The following RABGGTA variants were observed in gnomAD, a reference collection of about 807,000 sequenced individuals.
The protein encoded by RABGGTA is geranylgeranyl transferase type-2 subunit alpha.
In RABGGTA, 69 loss-of-function variants were observed where a neutral mutation model predicts 83.3. The ratio of observed to expected loss-of-function variants is 0.83; its 90% confidence interval spans 0.68 to 1.01. RABGGTA has a LOEUF of 1.01. RABGGTA is among the 50% of genes least tolerant of loss of function. The probability of loss-of-function intolerance (pLI) is 0.00; values close to 1 mark genes in which losing one functional copy is unlikely to be tolerated. For synonymous variants in RABGGTA, 310 were observed against 299.8 expected (o/e 1.03, Z -0.35); for missense variants, 681 against 712.7 (o/e 0.96, Z 0.51).
rs769959957 is a variant in RABGGTA at position 24,269,163 on chromosome 14, T to G, written c.632A>C (p.Glu211Ala). 6.2e-7 allele frequency: 1 copy of G among 1,609,476 alleles called. No homozygotes were observed. Among genetic ancestry groups the G allele is most frequent in the Non-Finnish European group, 8.5e-7 (1 of 1,177,740 alleles). The change falls in exon 7 of 17, where the codon GAG becomes GCG. Residue 211 changes from glutamate to alanine, a missense_variant and splice_region_variant. Glu to Ala is a moderately radical substitution (Grantham distance 107, BLOSUM62 -1). Around this residue, in one of 5 missense-constraint regions of RABGGTA, gnomAD observed 122 missense variants for 118.9 expected, o/e 1.03. Coordinates refer to ENST00000216840, the MANE Select transcript of RABGGTA (RefSeq NM_182836.3). ...GAAGGCATTCTGCACCAGCTCCAGC[T>G]CTGTGGGGTTCCAGGAGGCATGGGG... ...GRLPEDVLLK[E>A]LELVQNAFFT...
intron 14 of RABGGTA, among the ~76,000 whole-genome samples, chr14:24,267,368 A>C (rs11626191): frequency 0.16 from 24,382 of 152,030 alleles, 2,273 homozygotes; most frequent in Admixed American, 0.29. Context: ...GATGTGCTGG[A>C]ATGTGTGGGA....
intron 16 of RABGGTA, 139 bp downstream of exon 16, chr14:24,266,290 TC>T: frequency 4.0e-6 from 3 of 746,462 alleles, no homozygotes. Flanking sequence ...CCCCAGGCTC[TC>T]CCCCTTCAAC....
rs2040917448 is a variant in RABGGTA at position 24,269,524 on chromosome 14, G to C, written c.598C>G (p.Gln200Glu). The C allele has an allele frequency of 1.2e-6, 2 of 1,605,190 alleles. No individual in the cohort carries two copies. Among genetic ancestry groups the C allele is most frequent in the African/African-American group, 2.7e-5 (2 of 74,738 alleles). The part of the protein sequence containing the change: ...QLHPQPDSGP[Q>E]GRLPEDVLLK... ...AGCACATCCTCAGGGAGGCGCCCCT[G>C]TGGTCCAGAATCCGGCTGGGGGTGC... is the stretch of plus-strand genomic sequence containing the variant. The change falls in exon 6 of 17, where the codon CAG becomes GAG. Residue 200 changes from glutamine (Q) to glutamate (E), a missense_variant. Physicochemically the swap from Gln to Glu is conservative, Grantham distance 29 (BLOSUM62 2). This residue lies in a region of RABGGTA where 122 missense variants were observed against 118.9 expected (regional missense o/e 1.03). Coordinates refer to ENST00000216840, the MANE Select transcript of RABGGTA (RefSeq NM_182836.3).
chr14:24,265,855 GTC>G, intron 16 of RABGGTA, 92 bp from the exon 17 acceptor site: 1 of 1,465,338 alleles, frequency 6.8e-7, no homozygotes, highest in East Asian at 2.5e-5. Context: ...CTGCCTGGAA[GTC>G]TGTTTGATGG....
Position 24,271,167 on chromosome 14 carries a change from A to G in RABGGTA, c.-52T>C. 1.3e-6 allele frequency: 2 copies of G among 1,503,340 alleles called. No homozygotes were observed. The highest frequency in any genetic ancestry group is 1.8e-6 in the Non-Finnish European group (2 of 1,126,210). The allele number at this position is 1,503,340 out of a possible 1,614,324, so 93.1% of individuals were successfully genotyped here. A position where few individuals can be genotyped will look rare whatever the true frequency, so the allele number is the denominator to read the frequency against. ...GGAAGGGTCCAGTGGTAGCCCTTGA[A>G]GTCTGAGGAGAGAAGTGTCAATCAC... is the stretch of plus-strand genomic sequence containing the variant. On this transcript the variant is annotated splice_region_variant and 5_prime_UTR_variant, in exon 2 of 17. Transcript: ENST00000216840.
chr14:24,270,445 T>C lies in RABGGTA; in HGVS notation c.128A>G (p.Glu43Gly). Residue 43 changes from glutamate to glycine, a missense_variant, in exon 4 of 17, where the codon GAG (glutamate) becomes GGG (glycine). Physicochemically the swap from Glu to Gly is moderately conservative, Grantham distance 98. Coordinates refer to ENST00000216840, the MANE Select transcript of RABGGTA (RefSeq NM_182836.3). ...CAGTTCCAGCACGGACTCATCCAGC[T>C]CACCAGCCTGGCGCTAAGAAGATAG... Reference protein sequence around the residue: ...QAVFQKRQAGELDESVLELTS... With the variant: ...QAVFQKRQAGGLDESVLELTS... 4 of 1,614,010 alleles carry C rather than the reference T, an allele frequency of 2.5e-6. No individual in the cohort carries two copies. The highest frequency in any genetic ancestry group is 3.4e-6 in the Non-Finnish European group (4 of 1,179,884).
chr14:24,266,178 A>G (rs2040870966), intron 16 of RABGGTA, among the ~76,000 whole-genome samples: 1 of 152,258 alleles, frequency 6.6e-6, no homozygotes, highest in African/African-American at 2.4e-5. Context: ...AAAAAACTAC[A>G]TAGACCTGAA....
intron 14 of RABGGTA, 49 bp downstream of exon 14, chr14:24,267,611 G>C (rs745749325): frequency 6.8e-7 from 1 of 1,479,574 alleles, no homozygotes; most frequent in Admixed American, 1.9e-5. Flanking sequence ...GGGACGTGGG[G>C]AGGCCAGCGG....
chr14:24,267,344 T>C (rs1431395467), intron 14 of RABGGTA, among the ~76,000 whole-genome samples: 1 of 151,950 alleles, frequency 6.6e-6, no homozygotes, highest in East Asian at 1.9e-4. Flanking sequence ...GTATTGGAGG[T>C]TGCTCCAGGG....
At position 24,269,519 on chromosome 14, in the gene RABGGTA, C is replaced by T; in HGVS notation, c.603G>A (p.Gly201=). ...LHPQPDSGPQ[G]RLPEDVLLKE... ...TGAGCAGCACATCCTCAGGGAGGCG[C>T]CCCTGTGGTCCAGAATCCGGCTGGG... The change falls in exon 6 of 17, where the codon GGG becomes GGA. Residue 201 remains glycine, a synonymous_variant. Transcript: ENST00000216840. The T allele has an allele frequency of 2.5e-6, 4 of 1,602,232 alleles. No individual in the cohort carries two copies. The highest frequency in any genetic ancestry group is 3.4e-6 in the Non-Finnish European group (4 of 1,169,166).
chr14:24,270,224 A>G (rs1210268025), intron 4 of RABGGTA, 84 bp from the exon 5 acceptor site: 9 of 1,556,874 alleles, frequency 5.8e-6, no homozygotes, highest in South Asian at 2.3e-5. Context: ...CCAGCCCCCT[A>G]CTATCCTCCA....
At position 24,267,671 on chromosome 14, in the gene RABGGTA, G is replaced by T. The variant is rs767790064; in HGVS notation, c.1342C>A (p.Leu448Met). The T allele has an allele frequency of 2.0e-5, 32 of 1,610,926 alleles. 2 individuals carry two copies. In the South Asian group the frequency reaches 3.5e-4, roughly 18 times the overall value. ...ATGGCAGCCCATACCTTGTGAGCCA[G>T]GTGCAGCACACGCACCTCGGCATAC... ...MEYAEVRVLH[L>M]AHKDLTVLCH... is the part of the protein sequence containing the mutation. Residue 448 changes from leucine (L) to methionine (M), a missense_variant, in exon 14 of 17, where the codon CTG becomes ATG. By Grantham distance (15) the Leu-to-Met change is conservative. Around this residue, in one of 5 missense-constraint regions of RABGGTA, gnomAD observed 421 missense variants for 418.5 expected, o/e 1.01. Transcript: ENST00000216840.
chr14:24,270,713 A>G lies in RABGGTA; in HGVS notation c.114+124T>C. 4 of 1,383,900 alleles carry G rather than the reference A, an allele frequency of 2.9e-6. No homozygotes were observed. In the South Asian group the frequency reaches 5.6e-5, roughly 19 times the overall value. The allele number at this position is 1,383,900 out of a possible 1,614,324, so 85.7% of individuals were successfully genotyped here. On this transcript the variant is annotated intron_variant, in intron 3 of 16. Transcript: ENST00000216840. ...GAGATTCAGCAACTTGCCCAAAGTC[A>G]TACAGTTATAAGTGAGATAACCCAG...
At position 24,266,521 on chromosome 14, in the gene RABGGTA, GGGGCAGGGA is replaced by G. The variant is rs753079794; in HGVS notation, c.1468-13_1468-5del. 4.3e-6 allele frequency: 7 copies of G among 1,613,388 alleles called. No homozygotes were observed. Among genetic ancestry groups the G allele is most frequent in the Non-Finnish European group, 5.1e-6 (6 of 1,179,588 alleles). On this transcript the variant is annotated splice_region_variant and splice_polypyrimidine_tract_variant and intron_variant, in intron 15 of 16. Coordinates refer to ENST00000216840, the MANE Select transcript of RABGGTA (RefSeq NM_182836.3). Reference sequence around the variant, plus strand: ...CATTATCACTGGCCTGCAGCACCTGGGGGCAGGGAGGGCAGGGAGGCAGGACAGGCGCTG... The same window carrying G: ...CATTATCACTGGCCTGCAGCACCTGGGGGCAGGGAGGCAGGACAGGCGCTG...
At position 24,269,060 on chromosome 14, in the gene RABGGTA, C is replaced by T. The variant is rs763769127; in HGVS notation, c.715+20G>A. On this transcript the variant is annotated intron_variant, in intron 7 of 16. Transcript: ENST00000216840. ...TTCCTATTAAGCGCTAAACACCCAG[C>T]CCCTTTCCTCATTGCTCACCTCGGC... 4 of 1,597,058 alleles carry T rather than the reference C, an allele frequency of 2.5e-6. No homozygotes were observed. The highest frequency in any genetic ancestry group is 3.4e-6 in the Non-Finnish European group (4 of 1,171,376).
chr14:24,270,735 C>G, intron 3 of RABGGTA, 102 bp downstream of exon 3: 1 of 1,471,062 alleles, frequency 6.8e-7, no homozygotes, highest in South Asian at 1.3e-5. Context: ...GTGAGATAAC[C>G]CAGAATTGGA....
chr14:24,269,879 T>C (rs1339244646), intron 5 of RABGGTA, 74 bp downstream of exon 5: 37 of 1,539,424 alleles, frequency 2.4e-5, no homozygotes, highest in Non-Finnish European at 3.0e-5. Context: ...CTCCCCATTC[T>C]GGGCCTTACT....
chr14:24,271,111 A>C lies in RABGGTA; in HGVS notation c.3+2T>G. ...GTGAAGGGCTGGGCTCAGGGTTCTCACCATGGTGCCGGCTCAGGGTTCAAG... is the reference window on the plus strand; with the variant it reads ...GTGAAGGGCTGGGCTCAGGGTTCTCCCCATGGTGCCGGCTCAGGGTTCAAG... On this transcript the variant is annotated splice_donor_variant, in intron 2 of 16. Transcript: ENST00000216840. LOFTEE classifies it high-confidence loss of function. The C allele has an allele frequency of 1.3e-6, 2 of 1,549,626 alleles. No homozygotes were observed. Among genetic ancestry groups the C allele is most frequent in the Non-Finnish European group, 1.7e-6 (2 of 1,148,434 alleles).
intron 14 of RABGGTA, among the ~76,000 whole-genome samples, 161 bp downstream of exon 14, chr14:24,267,498 CT>C (rs1011746354): frequency 3.3e-5 from 5 of 151,958 alleles, no homozygotes; most frequent in South Asian, 2.1e-4. Context: ...GAAGAATGGG[CT>C]GAGTGACAGA....
Sources: gnomAD v4.1 joint callset for allele counts (sites outside exome capture counted in the v4.1 genomes callset) on GRCh38, gnomAD v4.1.1 for gene constraint, gnomAD v4.1.1 regional missense constraint, MANE v1.5 for transcripts, NCBI Gene and HGNC (gene_info 2026-07-23, HGNC 2026-07-21) for gene names.